MIX23: variants seen among roughly 807,000 people sequenced by gnomAD.
MIX23 encodes mitochondrial matrix import factor 23.
A neutral mutation model predicts 21.6 loss-of-function variants in MIX23; 13 were observed. The observed-to-expected ratio is 0.60, with a 90% CI of 0.39 to 0.96. The LOEUF (loss-of-function observed/expected upper bound fraction) is 0.96, where lower values mean the gene tolerates loss of function less well. Ranked by LOEUF, MIX23 falls within the 40% of genes least tolerant of loss-of-function variation. The pLI is 0.00. For synonymous variants in MIX23, 59 were observed against 58.0 expected (o/e 1.02, Z -0.08); for missense variants, 144 against 171.2 (o/e 0.84, Z 0.89).
intron 3 of MIX23, among the ~76,000 whole-genome samples, chr3:122,364,327 C>T (rs1304523518): frequency 1.3e-5 from 2 of 152,182 alleles, no homozygotes; most frequent in Non-Finnish European, 2.9e-5. Context: ...CCTGAAGAAG[C>T]CCACCAATGC....
At chr3:122,365,433 G>T (rs1180093416) in intron 3 of MIX23, 1 of 152,024 alleles carries the variant, frequency 6.6e-6, no homozygotes, top group East Asian at 1.9e-4. Flanking sequence ...CCATCTCCAA[G>T]AGCTCTCTCT....
At chr3:122,377,734 G>C (rs1305016521) in intron 1 of MIX23, among the ~76,000 whole-genome samples, 1 of 152,104 alleles carries the variant, frequency 6.6e-6, no homozygotes, top group East Asian at 1.9e-4. Context: ...TACAGTCCTA[G>C]CTACTTGGGA....
At chr3:122,363,780 T>G (rs1486716415) in intron 3 of MIX23, among the ~76,000 whole-genome samples, 2 of 149,194 alleles carry the variant, frequency 1.3e-5, no homozygotes, top group Non-Finnish European at 2.9e-5. Context: ...TCTTTATAAC[T>G]GCCAACCTAA....
intron 3 of MIX23, among the ~76,000 whole-genome samples, chr3:122,367,480 T>C (rs147824743): frequency 2.6e-5 from 4 of 152,352 alleles, no homozygotes; most frequent in Non-Finnish European, 5.9e-5. Context: ...ATCTACATTA[T>C]AGTTGATTTG....
At chr3:122,378,826 T>C (rs775979771) in intron 1 of MIX23, among the ~76,000 whole-genome samples, 79 of 152,358 alleles carry the variant, frequency 5.2e-4, no homozygotes, top group Admixed American at 2.7e-3. Flanking sequence ...GCCTTTAACA[T>C]GGCAGACATT....
chr3:122,367,973 T>A (rs867152048), intron 3 of MIX23: 42 of 564,732 alleles, frequency 7.4e-5, no homozygotes, highest in African/African-American at 6.8e-4. Context: ...TATGCTGCAT[T>A]TGTTCAAGAA....
chr3:122,374,769 G>A (rs930026497), intron 1 of MIX23, among the ~76,000 whole-genome samples: 9 of 152,116 alleles, frequency 5.9e-5, no homozygotes, highest in African/African-American at 1.7e-4. Context: ...CCTGAAGGGG[G>A]AGATAGAAAT....
intron 1 of MIX23, among the ~76,000 whole-genome samples, chr3:122,380,993 A>T (rs2075526850): frequency 1.3e-5 from 2 of 152,184 alleles, no homozygotes; most frequent in Admixed American, 6.5e-5. Flanking sequence ...TCTGGTTGCA[A>T]TCTTGTGTAA....
chr3:122,378,614 G>C (rs1489210816), intron 1 of MIX23, among the ~76,000 whole-genome samples: 1 of 152,134 alleles, frequency 6.6e-6, no homozygotes, highest in Admixed American at 6.5e-5. Flanking sequence ...GAATGCTGTG[G>C]GCAACTGTAA....
At chr3:122,382,564 T>C (rs1576242700) in intron 1 of MIX23, among the ~76,000 whole-genome samples, 1 of 152,218 alleles carries the variant, frequency 6.6e-6, no homozygotes, top group East Asian at 1.9e-4. Context: ...GGCAACTTGG[T>C]CAAAACCAGA....
intron 4 of MIX23, 66 bp downstream of exon 4, chr3:122,362,902 C>T (rs963482644): frequency 2.8e-5 from 37 of 1,339,792 alleles, no homozygotes; most frequent in Non-Finnish European, 3.7e-5. Flanking sequence ...CTCCCCCTCC[C>T]TTGGTTTCCC....
At chr3:122,376,071 G>GA (rs1199253846) in intron 1 of MIX23, among the ~76,000 whole-genome samples, 2 of 135,818 alleles carry the variant, frequency 1.5e-5, no homozygotes, top group African/African-American at 5.5e-5. Context: ...GCTGAGGCAG[G>GA]AAAATCACTT....
chr3:122,369,079 C>T (rs1255861040), intron 2 of MIX23, among the ~76,000 whole-genome samples: 1 of 152,168 alleles, frequency 6.6e-6, no homozygotes, highest in Non-Finnish European at 1.5e-5. Flanking sequence ...AACATACTTC[C>T]ATAATCATAG....
At chr3:122,370,860 A>T (rs1366294869) in intron 2 of MIX23, among the ~76,000 whole-genome samples, 2 of 152,242 alleles carry the variant, frequency 1.3e-5, no homozygotes, top group Admixed American at 6.5e-5. Context: ...TTAAAATAAC[A>T]TACTTTAACA....
At chr3:122,360,895 G>A (rs2075353381) in intron 4 of MIX23, among the ~76,000 whole-genome samples, 1 of 152,170 alleles carries the variant, frequency 6.6e-6, no homozygotes, top group Non-Finnish European at 1.5e-5. Flanking sequence ...CCAGGCTGGA[G>A]TGCAATGGCG....
At chr3:122,367,872 T>C (rs1002915279) in intron 3 of MIX23, 1 of 346,302 alleles carries the variant, frequency 2.9e-6, no homozygotes, top group Non-Finnish European at 5.4e-6. Flanking sequence ...GATGTGGTAC[T>C]TCACCTGTAG....
intron 4 of MIX23, among the ~76,000 whole-genome samples, chr3:122,360,825 C>T (rs909324100): frequency 6.6e-6 from 1 of 151,964 alleles, no homozygotes; most frequent in Non-Finnish European, 1.5e-5. Context: ...TTGTGAGGTA[C>T]TGTTACTCTA....
chr3:122,371,605 A>G (rs2075442097), intron 2 of MIX23, 70 bp downstream of exon 2: 4 of 1,532,280 alleles, frequency 2.6e-6, no homozygotes, highest in Admixed American at 3.4e-5. Flanking sequence ...GAGTTACAAG[A>G]TAACTGATTT....
At chr3:122,377,645 T>A (rs1269464321) in intron 1 of MIX23, among the ~76,000 whole-genome samples, 4 of 152,060 alleles carry the variant, frequency 2.6e-5, no homozygotes, top group Non-Finnish European at 5.9e-5. Context: ...GGCTAGGAGT[T>A]CAAGACCAGC....
Sources: allele counts gnomAD v4.1 joint callset (sites outside exome capture counted in the v4.1 genomes callset), GRCh38; gene constraint gnomAD v4.1.1; transcripts MANE v1.5; gene names NCBI Gene and HGNC (gene_info 2026-07-23, HGNC 2026-07-21).